Variants in BLTP3A observed in about 807,000 individuals in gnomAD.
The protein encoded by BLTP3A is ICBP90 binding protein 1.
chr6:34,837,892 AT>A, the BLTP3A span, among the ~76,000 whole-genome samples: 1 of 151,982 alleles, frequency 6.6e-6, no homozygotes, highest in Non-Finnish European at 1.5e-5. Flanking sequence ...TTTTGGTTTG[AT>A]TGTTTGTTTA....
At chr6:34,817,885 G>A in the BLTP3A span, among the ~76,000 whole-genome samples, 4 of 147,554 alleles carry the variant, frequency 2.7e-5, no homozygotes, top group East Asian at 2.0e-4. Flanking sequence ...GTGGAGTCTC[G>A]CTCTGTCGCC....
At chr6:34,814,526 C>T in the BLTP3A span, among the ~76,000 whole-genome samples, 5 of 152,188 alleles carry the variant, frequency 3.3e-5, no homozygotes, top group African/African-American at 1.2e-4. Context: ...GTCCAGCAGA[C>T]GTGCATGCAC....
At chr6:34,858,626 G>GA in the BLTP3A span, 1 of 1,614,140 alleles carries the variant, frequency 6.2e-7, no homozygotes, top group Non-Finnish European at 8.5e-7. Context: ...GCCAGTTTTG[G>GA]AAGTCCTGTC....
chr6:34,855,249 T>C, the BLTP3A span, among the ~76,000 whole-genome samples: 2 of 152,254 alleles, frequency 1.3e-5, no homozygotes, highest in East Asian at 3.9e-4. Context: ...TCGTGTGTTG[T>C]GTTGAGGGAA....
the BLTP3A span, among the ~76,000 whole-genome samples, chr6:34,830,345 T>G: frequency 6.6e-6 from 1 of 151,628 alleles, no homozygotes; most frequent in African/African-American, 2.4e-5. Flanking sequence ...TCCCAGCACT[T>G]TGGGAGGCCG....
At chr6:34,803,572 G>T in the BLTP3A span, among the ~76,000 whole-genome samples, 3 of 152,180 alleles carry the variant, frequency 2.0e-5, no homozygotes, top group African/African-American at 7.2e-5. Context: ...GAGCAGGAAT[G>T]CCACCAAATA....
At chr6:34,826,062 C>G in the BLTP3A span, among the ~76,000 whole-genome samples, 1 of 137,864 alleles carries the variant, frequency 7.3e-6, no homozygotes, top group Non-Finnish European at 1.5e-5. Flanking sequence ...TGGAGTCTCA[C>G]TCTGTTGCCC....
the BLTP3A span, chr6:34,835,251 TG>T: frequency 1.9e-6 from 3 of 1,582,924 alleles, no homozygotes; most frequent in East Asian, 6.7e-5. Context: ...AAAGTTGGAA[TG>T]ATACGAGGTG....
At chr6:34,866,351 C>T in the BLTP3A span, among the ~76,000 whole-genome samples, 41 of 151,460 alleles carry the variant, frequency 2.7e-4, no homozygotes, top group African/African-American at 9.9e-4. Flanking sequence ...TGTAGTGAGC[C>T]GAGATCACGC....
At chr6:34,816,549 G>A in the BLTP3A span, among the ~76,000 whole-genome samples, 1 of 152,138 alleles carries the variant, frequency 6.6e-6, no homozygotes, top group Non-Finnish European at 1.5e-5. Context: ...GGAGGTCGAG[G>A]CTGCAGTGAG....
At chr6:34,823,134 C>T in the BLTP3A span, 1 of 750,976 alleles carries the variant, frequency 1.3e-6, no homozygotes, top group Non-Finnish European at 2.3e-6. Context: ...TTATTGTCTG[C>T]CCACAATGGG....
chr6:34,834,214 T>C, the BLTP3A span: 4 of 1,613,320 alleles, frequency 2.5e-6, no homozygotes, highest in Non-Finnish European at 3.4e-6. Flanking sequence ...TCATTTGTTG[T>C]AGTGAATATG....
At chr6:34,866,723 T>C in the BLTP3A span, among the ~76,000 whole-genome samples, 3 of 152,196 alleles carry the variant, frequency 2.0e-5, no homozygotes, top group Non-Finnish European at 4.4e-5. Context: ...TCTGTACTCA[T>C]TAAACAGTAA....
the BLTP3A span, among the ~76,000 whole-genome samples, chr6:34,801,544 C>T: frequency 6.6e-6 from 1 of 152,060 alleles, no homozygotes; most frequent in African/African-American, 2.4e-5. Context: ...GGGCCGTGTC[C>T]TGCAGTACAT....
the BLTP3A span, among the ~76,000 whole-genome samples, chr6:34,828,159 T>A: frequency 9.9e-5 from 15 of 151,950 alleles, no homozygotes; most frequent in African/African-American, 3.4e-4. Flanking sequence ...TAAAAATATA[T>A]CCTGGAAAGC....
the BLTP3A span, among the ~76,000 whole-genome samples, chr6:34,811,704 C>A: frequency 2.5e-5 from 3 of 122,138 alleles, no homozygotes; most frequent in Admixed American, 1.8e-4. Context: ...ACTAAAAATA[C>A]AAAAATTTGC....
At chr6:34,814,956 G>A in the BLTP3A span, among the ~76,000 whole-genome samples, 1 of 152,146 alleles carries the variant, frequency 6.6e-6, no homozygotes, top group Non-Finnish European at 1.5e-5. Flanking sequence ...TAAAATGTTA[G>A]TAGAAGTAAA....
chr6:34,844,334 G>T, the BLTP3A span, among the ~76,000 whole-genome samples: 2 of 152,068 alleles, frequency 1.3e-5, no homozygotes, highest in African/African-American at 4.8e-5. Context: ...GGAGTCAGTG[G>T]CAAGATGTCA....
chr6:34,830,600 A>C, the BLTP3A span, among the ~76,000 whole-genome samples: 2 of 152,020 alleles, frequency 1.3e-5, no homozygotes, highest in Non-Finnish European at 2.9e-5. Flanking sequence ...GGCGGGGAAA[A>C]AAAAAACCCA....
Sources: gnomAD v4.1 joint callset for allele counts (sites outside exome capture counted in the v4.1 genomes callset) on GRCh38, gnomAD v4.1.1 for gene constraint, MANE v1.5 for transcripts, NCBI Gene and HGNC (gene_info 2026-07-23, HGNC 2026-07-21) for gene names.